Variants in PLPP3 observed in about 807,000 individuals in gnomAD.
PLPP3 encodes the protein PAP2 beta.
Under a neutral mutation model 29.6 loss-of-function variants are expected in PLPP3, and 6 were observed. The ratio of observed to expected loss-of-function variants is 0.20; its 90% CI spans 0.11 to 0.40. The LOEUF (loss-of-function observed/expected upper bound fraction) is 0.40. Among genes scored for constraint, PLPP3 ranks in the 10% least tolerant of loss-of-function variants. The pLI is 1.00. For synonymous variants in PLPP3, 152 were observed against 159.7 expected (o/e 0.95, Z 0.36); for missense variants, 308 against 407.7 (o/e 0.76, Z 2.11).
intron 5 of PLPP3, among the ~76,000 whole-genome samples, chr1:56,501,589 ACCT>A (rs1238046767): frequency 6.6e-6 from 1 of 152,048 alleles, no homozygotes; most frequent in African/African-American, 2.4e-5. Flanking sequence ...AGTGATTCTG[ACCT>A]CCTCCTGAGT....
chr1:56,550,892 T>G (rs1005664856), intron 1 of PLPP3, among the ~76,000 whole-genome samples: 2 of 152,122 alleles, frequency 1.3e-5, no homozygotes, highest in South Asian at 4.1e-4. Flanking sequence ...GAAGTGGCCT[T>G]GAAAAGAAGT....
intron 1 of PLPP3, among the ~76,000 whole-genome samples, chr1:56,576,563 A>T (rs1472187701): frequency 1.3e-5 from 2 of 152,222 alleles, no homozygotes; most frequent in African/African-American, 4.8e-5. Context: ...GGAAACATTG[A>T]TCAATAAGTC....
rs77567724 is a variant in PLPP3 at position 56,516,708 on chromosome 1, T to C, written c.634-4556A>G. On this transcript the variant is annotated intron_variant, in intron 4 of 5. Coordinates refer to ENST00000371250, the MANE Select transcript of PLPP3 (RefSeq NM_003713.5). ...GCCACAGCAACTAGATTGGAACCTT[T>C]TCTCTGCTACGTACAGCTTGTATAT... Among the ~76,000 whole-genome samples the C allele has an allele frequency of 8.1e-3, 1,237 of 152,144 alleles. 21 individuals carry two copies. Among genetic ancestry groups the C allele is most frequent in the African/African-American group, 0.028 (1,169 of 41,480 alleles).
At chr1:56,573,300 G>T (rs1010672438) in intron 1 of PLPP3, among the ~76,000 whole-genome samples, 2 of 152,110 alleles carry the variant, frequency 1.3e-5, no homozygotes, top group Non-Finnish European at 2.9e-5. Context: ...ACACCTTCAG[G>T]TCTGCATCCA....
At chr1:56,499,078 C>G (rs1173023213) in intron 5 of PLPP3, among the ~76,000 whole-genome samples, 6 of 147,642 alleles carry the variant, frequency 4.1e-5, no homozygotes, top group African/African-American at 1.5e-4. Flanking sequence ...CCCCGTCCCC[C>G]CCCCCCACCT....
chr1:56,556,695 T>C (rs1646078755), intron 1 of PLPP3, among the ~76,000 whole-genome samples: 1 of 151,764 alleles, frequency 6.6e-6, no homozygotes, highest in Non-Finnish European at 1.5e-5. Flanking sequence ...AGGCCAAATT[T>C]AAAAACTGGT....
intron 1 of PLPP3, among the ~76,000 whole-genome samples, chr1:56,573,714 C>A (rs1317228683): frequency 6.6e-6 from 1 of 152,168 alleles, no homozygotes; most frequent in South Asian, 2.1e-4. Flanking sequence ...TTACTCCTCA[C>A]ATAACGTGTA....
intron 4 of PLPP3, chr1:56,517,026 AGT>A (rs1231290179): frequency 3.3e-5 from 5 of 152,194 alleles, no homozygotes; most frequent in African/African-American, 7.2e-5. Context: ...GAGTCAGATG[AGT>A]GTGTGAGTCA....
chr1:56,506,767 C>T lies in PLPP3; in HGVS notation c.810+5209G>A, dbSNP rs117113668. 4.5e-3 allele frequency among the ~76,000 whole-genome samples: 674 copies of T among 151,394 alleles called. 34 individuals are homozygous for T. The East Asian group carries it at 0.11, about 24-fold the overall frequency. ...AGGGGTAACTTAGTGAGTGTGTAGG[C>T]GGGAGGGGGCTGGGAGAGCCAATAT... On this transcript the variant is annotated intron_variant, in intron 5 of 5. Transcript: ENST00000371250.
At chr1:56,531,605 A>T (rs961184101) in intron 2 of PLPP3, among the ~76,000 whole-genome samples, 1 of 152,214 alleles carries the variant, frequency 6.6e-6, no homozygotes, top group Non-Finnish European at 1.5e-5. Context: ...CTCCAAGCCC[A>T]GTAACTAAAA....
chr1:56,517,202 T>C (rs966583511), intron 4 of PLPP3, among the ~76,000 whole-genome samples: 1 of 152,236 alleles, frequency 6.6e-6, no homozygotes, highest in African/African-American at 2.4e-5. Context: ...ACCCTCTTCC[T>C]GGAAGCCAGT....
chr1:56,524,199 G>A lies in PLPP3; in HGVS notation c.575+78C>T, dbSNP rs1645837516. Reference sequence around the variant, plus strand: ...GCCTTATTCACCCATCTAAACCAGGGCCCAGCTAGTAAGTGCTCACTGAAC... The same window carrying A: ...GCCTTATTCACCCATCTAAACCAGGACCCAGCTAGTAAGTGCTCACTGAAC... On this transcript the variant is annotated intron_variant, in intron 3 of 5. Transcript: ENST00000371250. This position sits in a 1 kb window ranked among gnomAD's most constrained non-coding sequence, Gnocchi z 4.3. The A allele has an allele frequency of 1.3e-6, 2 of 1,533,792 alleles. No individual in the cohort carries two copies. The highest frequency in any genetic ancestry group is 1.8e-5 in the Admixed American group (1 of 54,878).
intron 1 of PLPP3, among the ~76,000 whole-genome samples, chr1:56,550,055 G>A (rs1036047212): frequency 1.3e-5 from 2 of 152,170 alleles, no homozygotes; most frequent in African/African-American, 2.4e-5. Flanking sequence ...CGCTGGGTCC[G>A]GCTGACTTTC....
At chr1:56,533,883 T>TAAGTCAGA (rs1645907068) in intron 2 of PLPP3, among the ~76,000 whole-genome samples, 1 of 151,952 alleles carries the variant, frequency 6.6e-6, no homozygotes, top group Admixed American at 6.6e-5. Context: ...ATGCCTAAGT[T>TAAGTCAGA]TGACTTTTTC....
At chr1:56,557,193 C>G (rs976547000) in intron 1 of PLPP3, among the ~76,000 whole-genome samples, 9 of 151,498 alleles carry the variant, frequency 5.9e-5, no homozygotes, top group African/African-American at 2.2e-4. Flanking sequence ...TCCTGGCCAA[C>G]ATGGTGAAAC....
intron 4 of PLPP3, chr1:56,513,061 T>C (rs998978458): frequency 2.6e-5 from 4 of 152,064 alleles, no homozygotes; most frequent in Admixed American, 2.6e-4. Context: ...AAGTCACCAC[T>C]TGGAACTATG....
At chr1:56,568,009 C>A (rs2100304568) in intron 1 of PLPP3, among the ~76,000 whole-genome samples, 1 of 152,180 alleles carries the variant, frequency 6.6e-6, no homozygotes, top group South Asian at 2.1e-4. Context: ...ACCTTAAAAA[C>A]CGTACGCCAA....
At chr1:56,514,934 A>G (rs1446497349) in intron 4 of PLPP3, among the ~76,000 whole-genome samples, 1 of 152,178 alleles carries the variant, frequency 6.6e-6, no homozygotes, top group African/African-American at 2.4e-5. Flanking sequence ...GGAAATGGGG[A>G]TGAAGACGGT....
chr1:56,567,111 C>G (rs931517046), intron 1 of PLPP3, among the ~76,000 whole-genome samples: 2 of 152,174 alleles, frequency 1.3e-5, no homozygotes, highest in Non-Finnish European at 2.9e-5. Context: ...AGACAAGAGT[C>G]TGTACGTCAC....
Sources: allele counts gnomAD v4.1 joint callset (sites outside exome capture counted in the v4.1 genomes callset), GRCh38; gene constraint gnomAD v4.1.1; non-coding constraint Gnocchi (gnomAD v3.1); transcripts MANE v1.5; gene names NCBI Gene and HGNC (gene_info 2026-07-23, HGNC 2026-07-21).